The following ROBO2 variants were observed in gnomAD, a reference collection of about 807,000 sequenced individuals.
ROBO2 encodes the protein roundabout homolog 2.
In ROBO2, 53 loss-of-function variants were observed where a neutral mutation model predicts 160.8. That is an observed-to-expected ratio of 0.33 (90% CI 0.26 to 0.41). ROBO2 has a LOEUF of 0.41. ROBO2 is among the 10% of genes least tolerant of loss of function. The probability of loss-of-function intolerance (pLI) is 1.00; values close to 1 mark genes in which losing one functional copy is unlikely to be tolerated. For missense variants in ROBO2, 1,577 were observed against 1,722.4 expected, an observed-to-expected ratio of 0.92 and a Z score of 1.49; for synonymous variants, 664 against 611.7, an observed-to-expected ratio of 1.09 and a Z score of -1.26.
At chr3:76,777,093 A>G (rs1428854185) in intron 2 of ROBO2, among the ~76,000 whole-genome samples, 4 of 151,086 alleles carry the variant, frequency 2.6e-5, no homozygotes, top group African/African-American at 9.7e-5. Flanking sequence ...AACATAAAGG[A>G]GTCTGCACTA....
chr3:77,459,513 G>T (rs2082017032), intron 2 of ROBO2, among the ~76,000 whole-genome samples: 1 of 152,178 alleles, frequency 6.6e-6, no homozygotes, highest in South Asian at 2.1e-4. Context: ...TCCTGCCTTT[G>T]TGGAGCTAGC....
chr3:76,929,679 C>A (rs2077212795), intron 2 of ROBO2, among the ~76,000 whole-genome samples: 1 of 152,174 alleles, frequency 6.6e-6, no homozygotes, highest in African/African-American at 2.4e-5. Context: ...GAAGAAGAGA[C>A]TCCAGTGTGT....
chr3:75,960,221 C>T (rs550939213), intron 2 of ROBO2, among the ~76,000 whole-genome samples: 6 of 151,878 alleles, frequency 4.0e-5, no homozygotes, highest in African/African-American at 1.2e-4. Flanking sequence ...TCCTTCAGAG[C>T]AGCTGATGTC....
intron 5 of ROBO2, among the ~76,000 whole-genome samples, chr3:77,521,894 G>T (rs1021298751): frequency 6.6e-5 from 10 of 151,132 alleles, no homozygotes; most frequent in African/African-American, 2.4e-4. Flanking sequence ...ATGATATTTG[G>T]AAACATGGAT....
intron 2 of ROBO2, among the ~76,000 whole-genome samples, chr3:76,516,700 T>C (rs1287120643): frequency 6.6e-6 from 1 of 152,128 alleles, no homozygotes; most frequent in Non-Finnish European, 1.5e-5. Context: ...AGAGATTCTG[T>C]TTTCTGATCT....
intron 2 of ROBO2, among the ~76,000 whole-genome samples, chr3:77,250,694 A>G (rs7629776): frequency 7.9e-5 from 12 of 151,892 alleles, no homozygotes; most frequent in African/African-American, 2.9e-4. Flanking sequence ...GAGTTTGGAA[A>G]GAGGAGATGC....
intron 2 of ROBO2, among the ~76,000 whole-genome samples, chr3:76,662,502 A>G (rs927139294): frequency 2.0e-5 from 3 of 150,066 alleles, no homozygotes; most frequent in Admixed American, 6.8e-5. Context: ...TATGTTTCTC[A>G]CTCTTGAGGA....
At chr3:77,174,353 AAG>A (rs1225073312) in intron 2 of ROBO2, among the ~76,000 whole-genome samples, 2 of 152,166 alleles carry the variant, frequency 1.3e-5, no homozygotes, top group African/African-American at 2.4e-5. Flanking sequence ...GCAAAAAAAA[AAG>A]AGTTTTCTTT....
At chr3:76,698,780 G>T (rs1351382374) in intron 2 of ROBO2, among the ~76,000 whole-genome samples, 1 of 152,110 alleles carries the variant, frequency 6.6e-6, no homozygotes, top group East Asian at 1.9e-4. Flanking sequence ...GTATGCTACA[G>T]ATTTTACATC....
intron 2 of ROBO2, among the ~76,000 whole-genome samples, chr3:76,923,249 C>A (rs549582820): frequency 6.6e-6 from 1 of 152,294 alleles, no homozygotes; most frequent in African/African-American, 2.4e-5. Flanking sequence ...CGGCTCCCCG[C>A]CATTCTGCTT....
intron 6 of ROBO2, among the ~76,000 whole-genome samples, chr3:77,539,136 TCTC>T (rs1384288115): frequency 1.3e-5 from 2 of 152,140 alleles, no homozygotes; most frequent in Non-Finnish European, 2.9e-5. Context: ...CCCAGGCTGA[TCTC>T]AAACTCCAGA....
chr3:77,005,740 C>A (rs890565023), intron 2 of ROBO2, among the ~76,000 whole-genome samples: 1 of 152,070 alleles, frequency 6.6e-6, no homozygotes, highest in African/African-American at 2.4e-5. Context: ...TGAGGAAACC[C>A]GACCCACAAT....
chr3:76,170,912 T>C (rs925894801), intron 2 of ROBO2, among the ~76,000 whole-genome samples: 1 of 152,310 alleles, frequency 6.6e-6, no homozygotes, highest in East Asian at 1.9e-4. Flanking sequence ...TCTACACTAA[T>C]ACAGTGATCA....
chr3:77,275,390 G>C (rs1475044919), intron 2 of ROBO2, among the ~76,000 whole-genome samples: 1 of 152,176 alleles, frequency 6.6e-6, no homozygotes, highest in Non-Finnish European at 1.5e-5. Flanking sequence ...TCATATCCCT[G>C]ATAAACTTGA....
At chr3:76,132,395 G>GT (rs1491303294) in intron 2 of ROBO2, among the ~76,000 whole-genome samples, 4 of 43,974 alleles carry the variant, frequency 9.1e-5, no homozygotes, top group East Asian at 2.0e-3. Flanking sequence ...CCAGACTGTT[G>GT]GGGGGGGGGG....
At chr3:77,055,923 A>G (rs574487578) in intron 1 of ROBO2, among the ~76,000 whole-genome samples, 1 of 152,364 alleles carries the variant, frequency 6.6e-6, no homozygotes, top group South Asian at 2.1e-4. Context: ...GTGAAATGCA[A>G]TAAATTGAAA....
chr3:76,305,821 G>T (rs1270016212), intron 2 of ROBO2, among the ~76,000 whole-genome samples: 1 of 151,642 alleles, frequency 6.6e-6, no homozygotes, highest in Admixed American at 6.6e-5. Context: ...TTGTGCTCTG[G>T]GGGTGACAGA....
intron 2 of ROBO2, among the ~76,000 whole-genome samples, chr3:76,049,704 A>C (rs1213229156): frequency 1.3e-5 from 2 of 152,090 alleles, no homozygotes; most frequent in African/African-American, 2.4e-5. Flanking sequence ...AATTTAATTC[A>C]TAAGAGTTAT....
intron 2 of ROBO2, among the ~76,000 whole-genome samples, chr3:76,958,183 G>A (rs2079412817): frequency 6.6e-6 from 1 of 152,226 alleles, no homozygotes; most frequent in Admixed American, 6.5e-5. Flanking sequence ...TGCAAGCTAA[G>A]GTCTTCAGAG....
Sources: gnomAD v4.1 joint callset for allele counts (sites outside exome capture counted in the v4.1 genomes callset) on GRCh38, gnomAD v4.1.1 for gene constraint, MANE v1.5 for transcripts, NCBI Gene and HGNC (gene_info 2026-07-23, HGNC 2026-07-21) for gene names.